Variants in UQCC3 observed in about 807,000 individuals in gnomAD.
The protein encoded by UQCC3 is ubiquinol-cytochrome-c reductase complex assembly factor 3.
UQCC3 carries 3 observed loss-of-function variants against 3.4 expected under a neutral mutation model. The observed-to-expected ratio is 0.88, with a 90% CI of 0.40 to 2.26. UQCC3 has a LOEUF of 2.26. UQCC3 is among the 30% of genes most tolerant of loss of function. The pLI is 0.05. For synonymous variants in UQCC3, 57 were observed against 57.1 expected, an observed-to-expected ratio of 1.00 and a Z score of 0.00; for missense variants, 141 against 123.0, an observed-to-expected ratio of 1.15 and a Z score of -0.69.
Position 62,672,201 on chromosome 11 carries a change from G to A in UQCC3, c.*87G>A. The A allele has an allele frequency of 2.9e-6, 4 of 1,373,294 alleles. No individual in the cohort carries two copies. The highest frequency in any genetic ancestry group is 3.0e-6 in the Non-Finnish European group (3 of 1,013,278). 85.1% of individuals were successfully genotyped at this position (1,373,294 alleles called of 1,614,324 possible). ...TTCTCCTTCGTGGGCCCAGCGGAGA[G>A]TCCGGACCGAGATACCATGCCAGGA... On this transcript the variant is annotated 3_prime_UTR_variant, in exon 2 of 2. Coordinates refer to ENST00000377953, the MANE Select transcript of UQCC3 (RefSeq NM_001085372.3).
Position 62,671,796 on chromosome 11 carries a change from G to A in UQCC3, c.51G>A (p.Gly17=). 6.2e-7 allele frequency: 1 copy of A among 1,614,104 alleles called. No homozygotes were observed. Among genetic ancestry groups the A allele is most frequent in the South Asian group, 1.1e-5 (1 of 91,090 alleles). The change falls in exon 1 of 2, where the codon GGG becomes GGA. Residue 17 remains glycine, a synonymous_variant. Transcript: ENST00000377953. ...TCTCAGTCGCAATGCTGGGCGCAGG[G>A]GCTGGCGTGGGCTACGCGCTCCTCG... is the stretch of plus-strand genomic sequence containing the variant. ...MLISVAMLGA[G]AGVGYALLVI...
chr11:62,672,141 G>A lies in UQCC3; in HGVS notation c.*27G>A. 6.5e-7 allele frequency: 1 copy of A among 1,548,910 alleles called. No individual in the cohort carries two copies. On this transcript the variant is annotated 3_prime_UTR_variant, in exon 2 of 2. Coordinates refer to ENST00000377953, the MANE Select transcript of UQCC3 (RefSeq NM_001085372.3). Reference sequence around the variant, plus strand: ...ACCGGACTTGCCTCCGTGGGCGCCGGACCTTGGCTTGGGCGCAGGAATCCG... The same window carrying A: ...ACCGGACTTGCCTCCGTGGGCGCCGAACCTTGGCTTGGGCGCAGGAATCCG...
In UQCC3 at chr11:62,672,246, C is replaced by T. The variant is rs535650240; in HGVS notation, c.*132C>T. 1 of 970,974 alleles carries T rather than the reference C, an allele frequency of 1.0e-6. No homozygotes were observed. The highest frequency in any genetic ancestry group is 1.5e-6 in the Non-Finnish European group (1 of 664,572). The allele number at this position is 970,974 out of a possible 1,614,324, so 60.1% of individuals were successfully genotyped here. A position where few individuals can be genotyped will look rare whatever the true frequency, so the allele number is the denominator to read the frequency against. On this transcript the variant is annotated 3_prime_UTR_variant, in exon 2 of 2. Transcript: ENST00000377953. ...CCAGGACTCTCCGGGGTCCTGTGAG[C>T]TGCCGTCGGGTGAGCACGTTTCCCC... is the stretch of plus-strand genomic sequence containing the variant.
Position 62,671,715 on chromosome 11 carries a change from C to A in UQCC3, c.-31C>A, listed in dbSNP as rs1226326666. On this transcript the variant is annotated 5_prime_UTR_variant, in exon 1 of 2. Coordinates refer to ENST00000377953, the MANE Select transcript of UQCC3 (RefSeq NM_001085372.3). Reference sequence around the variant, plus strand: ...ACAGCTTGCGGCTGCGGGGAGCTCCCGTGGGCGCTCCGCTGGCTGTGCAGG... The same window carrying A: ...ACAGCTTGCGGCTGCGGGGAGCTCCAGTGGGCGCTCCGCTGGCTGTGCAGG... 1.2e-6 allele frequency: 2 copies of A among 1,610,482 alleles called. No homozygotes were observed. Among genetic ancestry groups the A allele is most frequent in the African/African-American group, 2.7e-5 (2 of 74,890 alleles).
chr11:62,671,710 G>T lies in UQCC3; in HGVS notation c.-36G>T. ...CGGCAACAGCTTGCGGCTGCGGGGA[G>T]CTCCCGTGGGCGCTCCGCTGGCTGT... On this transcript the variant is annotated 5_prime_UTR_variant, in exon 1 of 2. Coordinates refer to ENST00000377953, the MANE Select transcript of UQCC3 (RefSeq NM_001085372.3). 2 of 1,608,116 alleles carry T rather than the reference G, an allele frequency of 1.2e-6. No individual in the cohort carries two copies. The highest frequency in any genetic ancestry group is 1.1e-5 in the South Asian group (1 of 90,854).
Position 62,672,210 on chromosome 11 carries a change from G to A in UQCC3, c.*96G>A. 7.8e-7 allele frequency: 1 copy of A among 1,284,440 alleles called. No homozygotes were observed. The highest frequency in any genetic ancestry group is 1.1e-6 in the Non-Finnish European group (1 of 934,736). The allele number at this position is 1,284,440 out of a possible 1,614,324, so 79.6% of individuals were successfully genotyped here. ...GTGGGCCCAGCGGAGAGTCCGGACC[G>A]AGATACCATGCCAGGACTCTCCGGG... is the stretch of plus-strand genomic sequence containing the variant. On this transcript the variant is annotated 3_prime_UTR_variant, in exon 2 of 2. Coordinates refer to ENST00000377953, the MANE Select transcript of UQCC3 (RefSeq NM_001085372.3).
rs1944950416 is a variant in UQCC3 at position 62,671,796 on chromosome 11, G to C, written c.51G>C (p.Gly17=). The C allele has an allele frequency of 6.2e-7, 1 of 1,613,986 alleles. No homozygotes were observed. Among genetic ancestry groups the C allele is most frequent in the African/African-American group, 1.3e-5 (1 of 74,918 alleles). ...TCTCAGTCGCAATGCTGGGCGCAGG[G>C]GCTGGCGTGGGCTACGCGCTCCTCG... ...MLISVAMLGA[G]AGVGYALLVI... Residue 17 remains glycine, a synonymous_variant, in exon 1 of 2, where the codon GGG becomes GGC. Coordinates refer to ENST00000377953, the MANE Select transcript of UQCC3 (RefSeq NM_001085372.3).
In UQCC3 at chr11:62,673,390, G is replaced by C. The variant is rs888057987; in HGVS notation, c.*1276G>C. 18 of 152,154 alleles carry C rather than the reference G, an allele frequency of 1.2e-4. No individual in the cohort carries two copies. Among genetic ancestry groups the C allele is most frequent in the Non-Finnish European group, 2.2e-4 (15 of 68,028 alleles). 9.4% of individuals were successfully genotyped at this position (152,154 alleles called of 1,614,324 possible). A position where few individuals can be genotyped will look rare whatever the true frequency, so the allele number is the denominator to read the frequency against. ...AGTGTGCTTTGAGTCACAGATCCTG[G>C]TTGAACTCCAGCATGTTACAAACCT... On this transcript the variant is annotated 3_prime_UTR_variant, in exon 2 of 2. Transcript: ENST00000377953.
At position 62,672,307 on chromosome 11, in the gene UQCC3, C is replaced by T; in HGVS notation, c.*193C>T. 3 of 625,870 alleles carry T rather than the reference C, an allele frequency of 4.8e-6. No homozygotes were observed. The highest frequency in any genetic ancestry group is 3.0e-5 in the Admixed American group (1 of 33,568). The allele number at this position is 625,870 out of a possible 1,614,324, so 38.8% of individuals were successfully genotyped here. The stretch of plus-strand genomic sequence containing the variant: ...ACTGACTGCTTTAAGGTCCGCAAGG[C>T]GGGCCAGGGCCGAGACGCGAGTCGG... On this transcript the variant is annotated 3_prime_UTR_variant, in exon 2 of 2. Transcript: ENST00000377953.
Position 62,671,766 on chromosome 11 carries a change from G to A in UQCC3, c.21G>A (p.Met7Ile). The change falls in exon 1 of 2, where the codon ATG becomes ATA. Residue 7 changes from methionine to isoleucine, a missense_variant. Transcript: ENST00000377953. ...CGGCCATGGATTCCTTGCGGAAAAT[G>A]CTGATCTCAGTCGCAATGCTGGGCG... MDSLRK[M>I]LISVAMLGAG... 6.2e-7 allele frequency: 1 copy of A among 1,614,038 alleles called. No individual in the cohort carries two copies. The highest frequency in any genetic ancestry group is 8.5e-7 in the Non-Finnish European group (1 of 1,179,980).
chr11:62,671,831 C>T lies in UQCC3; in HGVS notation c.86C>T (p.Thr29Ile). The T allele has an allele frequency of 6.2e-7, 1 of 1,614,116 alleles. No homozygotes were observed. ...GVGYALLVIV[T>I]PGERRKQEML... ...GGCTACGCGCTCCTCGTTATCGTGA[C>T]CCCGGGAGAGCGGCGGAAGCAGGAA... Residue 29 changes from threonine (T) to isoleucine (I), a missense_variant, in exon 1 of 2, where the codon ACC becomes ATC. By Grantham distance (89) the Thr-to-Ile change is moderately conservative. Coordinates refer to ENST00000377953, the MANE Select transcript of UQCC3 (RefSeq NM_001085372.3).
Position 62,672,219 on chromosome 11 carries a change from T to C in UQCC3, c.*105T>C, listed in dbSNP as rs1383597298. On this transcript the variant is annotated 3_prime_UTR_variant, in exon 2 of 2. Transcript: ENST00000377953. The stretch of plus-strand genomic sequence containing the variant: ...GCGGAGAGTCCGGACCGAGATACCA[T>C]GCCAGGACTCTCCGGGGTCCTGTGA... The C allele has an allele frequency of 1.7e-6, 2 of 1,189,864 alleles. No individual in the cohort carries two copies. The highest frequency in any genetic ancestry group is 2.3e-6 in the Non-Finnish European group (2 of 853,622). The allele number at this position is 1,189,864 out of a possible 1,614,324, so 73.7% of individuals were successfully genotyped here. A position where few individuals can be genotyped will look rare whatever the true frequency, so the allele number is the denominator to read the frequency against.
Position 62,671,815 on chromosome 11 carries a change from C to T in UQCC3, c.70C>T (p.Leu24Phe), listed in dbSNP as rs1944950767. The change falls in exon 1 of 2, where the codon CTC becomes TTC. Residue 24 changes from leucine to phenylalanine, a missense_variant. Transcript: ENST00000377953. ...CGCAGGGGCTGGCGTGGGCTACGCG[C>T]TCCTCGTTATCGTGACCCCGGGAGA... ...LGAGAGVGYA[L>F]LVIVTPGERR... 4 of 1,614,172 alleles carry T rather than the reference C, an allele frequency of 2.5e-6. No homozygotes were observed. Among genetic ancestry groups the T allele is most frequent in the Non-Finnish European group, 3.4e-6 (4 of 1,180,036 alleles).
chr11:62,672,046 G>C lies in UQCC3; in HGVS notation c.214G>C (p.Glu72Gln), dbSNP rs1463282615. 3.1e-6 allele frequency: 5 copies of C among 1,611,444 alleles called. No individual in the cohort carries two copies. The highest frequency in any genetic ancestry group is 4.2e-6 in the Non-Finnish European group (5 of 1,179,046). ...ATLQEAATTQ[E>Q]NVAWRKNWMV... The stretch of plus-strand genomic sequence containing the variant: ...TCTGCAGGAGGCAGCGACCACGCAG[G>C]AGAACGTGGCCTGGAGGAAGAACTG... Residue 72 changes from glutamate to glutamine, a missense_variant, in exon 2 of 2, where the codon GAG becomes CAG. Coordinates refer to ENST00000377953, the MANE Select transcript of UQCC3 (RefSeq NM_001085372.3).
Position 62,672,208 on chromosome 11 carries a change from C to G in UQCC3, c.*94C>G. On this transcript the variant is annotated 3_prime_UTR_variant, in exon 2 of 2. Coordinates refer to ENST00000377953, the MANE Select transcript of UQCC3 (RefSeq NM_001085372.3). ...TCGTGGGCCCAGCGGAGAGTCCGGACCGAGATACCATGCCAGGACTCTCCG... is the reference window on the plus strand; with the variant it reads ...TCGTGGGCCCAGCGGAGAGTCCGGAGCGAGATACCATGCCAGGACTCTCCG... The G allele has an allele frequency of 7.7e-7, 1 of 1,305,362 alleles. No individual in the cohort carries two copies. Among genetic ancestry groups the G allele is most frequent in the South Asian group, 1.4e-5 (1 of 71,588 alleles). The allele number at this position is 1,305,362 out of a possible 1,614,324, so 80.9% of individuals were successfully genotyped here. A position where few individuals can be genotyped will look rare whatever the true frequency, so the allele number is the denominator to read the frequency against.
chr11:62,672,469 C>A lies in UQCC3; in HGVS notation c.*355C>A, dbSNP rs1944961342. On this transcript the variant is annotated 3_prime_UTR_variant, in exon 2 of 2. Coordinates refer to ENST00000377953, the MANE Select transcript of UQCC3 (RefSeq NM_001085372.3). The stretch of plus-strand genomic sequence containing the variant: ...TGGAGCTGCTGCCTGTCCCACCCCA[C>A]CAGAAGAGGCTGATCCCGATAGGTA... The A allele has an allele frequency of 3.4e-6, 1 of 290,396 alleles. No individual in the cohort carries two copies. 18.0% of individuals were successfully genotyped at this position (290,396 alleles called of 1,614,324 possible).
rs1227814902 is a variant in UQCC3 at position 62,671,776 on chromosome 11, G to T, written c.31G>T (p.Val11Phe). ...TTCCTTGCGGAAAATGCTGATCTCAGTCGCAATGCTGGGCGCAGGGGCTGG... is the reference window on the plus strand; with the variant it reads ...TTCCTTGCGGAAAATGCTGATCTCATTCGCAATGCTGGGCGCAGGGGCTGG... MDSLRKMLIS[V>F]AMLGAGAGVG... Residue 11 changes from valine (V) to phenylalanine (F), a missense_variant, in exon 1 of 2, where the codon GTC (valine) becomes TTC (phenylalanine). Val to Phe is a conservative substitution (Grantham distance 50). Transcript: ENST00000377953. 2 of 1,613,988 alleles carry T rather than the reference G, an allele frequency of 1.2e-6. No individual in the cohort carries two copies. The highest frequency in any genetic ancestry group is 1.3e-5 in the African/African-American group (1 of 74,942).
chr11:62,672,333 A>G lies in UQCC3; in HGVS notation c.*219A>G. 3.4e-6 allele frequency: 2 copies of G among 588,692 alleles called. No homozygotes were observed. Among genetic ancestry groups the G allele is most frequent in the Non-Finnish European group, 6.0e-6 (2 of 330,908 alleles). 36.5% of individuals were successfully genotyped at this position (588,692 alleles called of 1,614,324 possible). ...GGGCCAGGGCCGAGACGCGAGTCGG[A>G]TGTGGTGAACTGAAAGAACCAATAA... On this transcript the variant is annotated 3_prime_UTR_variant, in exon 2 of 2. Transcript: ENST00000377953.
Position 62,672,623 on chromosome 11 carries a change from C to G in UQCC3, c.*509C>G, listed in dbSNP as rs1014401940. 1 of 155,786 alleles carries G rather than the reference C, an allele frequency of 6.4e-6. No individual in the cohort carries two copies. The highest frequency in any genetic ancestry group is 1.7e-4 in the South Asian group (1 of 5,930). The allele number at this position is 155,786 out of a possible 1,614,324, so 9.7% of individuals were successfully genotyped here. A position where few individuals can be genotyped will look rare whatever the true frequency, so the allele number is the denominator to read the frequency against. Reference sequence around the variant, plus strand: ...GGTTCCAGCAATTCTCCTGCCTCAGCTTCCCGAGTAGCCGGGATCACAAGT... The same window carrying G: ...GGTTCCAGCAATTCTCCTGCCTCAGGTTCCCGAGTAGCCGGGATCACAAGT... On this transcript the variant is annotated 3_prime_UTR_variant, in exon 2 of 2. Coordinates refer to ENST00000377953, the MANE Select transcript of UQCC3 (RefSeq NM_001085372.3).
Sources: gnomAD v4.1 joint callset for allele counts on GRCh38, gnomAD v4.1.1 for gene constraint, MANE v1.5 for transcripts, NCBI Gene and HGNC (gene_info 2026-07-23, HGNC 2026-07-21) for gene names.